Variants in GRM7 observed in about 807,000 individuals in gnomAD.
GRM7 encodes metabotropic glutamate receptor 7.
A neutral mutation model predicts 84.5 loss-of-function variants in GRM7; 35 were observed. The observed-to-expected ratio is 0.41, with a 90% CI of 0.32 to 0.55. The LOEUF is 0.55. GRM7 is among the 20% of genes least tolerant of loss of function. The pLI, the probability that GRM7 is intolerant of heterozygous loss-of-function variation, is 0.19. For missense variants in GRM7, 1,003 were observed against 1,194.6 expected (o/e 0.84, Z 2.36); for synonymous variants, 487 against 455.1 (o/e 1.07, Z -0.89).
chr3:7,673,937 G>C (rs985245676), intron 8 of GRM7, among the ~76,000 whole-genome samples: 2 of 152,154 alleles, frequency 1.3e-5, no homozygotes, highest in African/African-American at 4.8e-5. Flanking sequence ...AGCACACACT[G>C]ACCTCTCCTA....
In GRM7 at chr3:6,928,891, A is replaced by G. The variant is rs191785902; in HGVS notation, c.519+66984A>G. On this transcript the variant is annotated intron_variant, in intron 1 of 9. Coordinates refer to ENST00000357716, the MANE Select transcript of GRM7 (RefSeq NM_000844.4). This position sits in a 1 kb window ranked among gnomAD's most constrained non-coding sequence, Gnocchi z 4.5. ...TGAACTGGTACATAAAATGCCAGTCATAGTGTTTTAAAGTGATTTTTCCCT... is the reference window on the plus strand; with the variant it reads ...TGAACTGGTACATAAAATGCCAGTCGTAGTGTTTTAAAGTGATTTTTCCCT... 5.9e-5 allele frequency among the ~76,000 whole-genome samples: 9 copies of G among 151,704 alleles called. No homozygotes were observed. In the East Asian group the frequency reaches 1.7e-3, roughly 29 times the overall value.
chr3:7,443,032 A>ATCC (rs1274315221), intron 5 of GRM7, among the ~76,000 whole-genome samples: 6 of 140,780 alleles, frequency 4.3e-5, no homozygotes, highest in South Asian at 4.6e-4. Flanking sequence ...TTTCTTTTCC[A>ATCC]TCCTCCTCCT....
chr3:7,441,320 C>A (rs1392513159), intron 5 of GRM7, among the ~76,000 whole-genome samples: 1 of 152,042 alleles, frequency 6.6e-6, no homozygotes, highest in East Asian at 1.9e-4. Context: ...GTCCTTTGCC[C>A]ACTTTTTAAT....
In GRM7 at chr3:7,119,503, A is replaced by G. The variant is rs991949334; in HGVS notation, c.520-26949A>G. 1.8e-4 allele frequency among the ~76,000 whole-genome samples: 27 copies of G among 152,188 alleles called. No homozygotes were observed. The East Asian group carries it at 1.9e-3, about 11-fold the overall frequency. On this transcript the variant is annotated intron_variant, in intron 1 of 9. Transcript: ENST00000357716. The stretch of plus-strand genomic sequence containing the variant: ...AAGTGCTTGTGATAACATCAGCAGA[A>G]CAAACATAAAACAATTACACTCTCA...
intron 4 of GRM7, among the ~76,000 whole-genome samples, chr3:7,341,152 A>T (rs1176911816): frequency 6.6e-6 from 1 of 152,186 alleles, no homozygotes; most frequent in Admixed American, 6.6e-5. Flanking sequence ...TACCCGAAAG[A>T]TATGAAATAT....
chr3:7,701,174 G>A (rs988133282), intron 9 of GRM7, among the ~76,000 whole-genome samples: 1 of 152,132 alleles, frequency 6.6e-6, no homozygotes, highest in African/African-American at 2.4e-5. Flanking sequence ...AACGATACAG[G>A]GGACCTTGTT....
At chr3:7,528,095 G>A (rs1370287415) in intron 7 of GRM7, among the ~76,000 whole-genome samples, 1 of 152,026 alleles carries the variant, frequency 6.6e-6, no homozygotes, top group Non-Finnish European at 1.5e-5. Context: ...CCGTGGGATT[G>A]GTACCAGCTC....
intron 2 of GRM7, among the ~76,000 whole-genome samples, chr3:7,266,083 A>G (rs181750560): frequency 6.6e-6 from 1 of 152,288 alleles, no homozygotes; most frequent in East Asian, 1.9e-4. Context: ...AAAGTGGGTT[A>G]AAGGAACAGA....
intron 8 of GRM7, among the ~76,000 whole-genome samples, chr3:7,602,154 G>C (rs992988488): frequency 1.3e-5 from 2 of 151,404 alleles, no homozygotes; most frequent in Admixed American, 1.3e-4. Flanking sequence ...GATAAGGGGA[G>C]AGCTTGTAAA....
At chr3:7,000,486 C>G (rs967852979) in intron 1 of GRM7, among the ~76,000 whole-genome samples, 1 of 151,956 alleles carries the variant, frequency 6.6e-6, no homozygotes, top group Non-Finnish European at 1.5e-5. Flanking sequence ...CTCGCCCGGG[C>G]GAGCATGTGA....
At chr3:7,631,443 G>A (rs1351135063) in intron 8 of GRM7, among the ~76,000 whole-genome samples, 5 of 152,178 alleles carry the variant, frequency 3.3e-5, no homozygotes, top group South Asian at 2.1e-4. Flanking sequence ...TGTTAAGGAC[G>A]TTACTTACTT....
chr3:6,948,518 G>A (rs1169432641), intron 1 of GRM7, among the ~76,000 whole-genome samples: 1 of 152,196 alleles, frequency 6.6e-6, no homozygotes, highest in Non-Finnish European at 1.5e-5. Context: ...GTTCTGAGAA[G>A]AATGTATATT....
intron 7 of GRM7, among the ~76,000 whole-genome samples, chr3:7,488,861 A>ATTTATTTATTTG (rs1405087069): frequency 2.7e-5 from 4 of 146,108 alleles, no homozygotes; most frequent in Admixed American, 6.7e-5. Flanking sequence ...GTAAGGTCTT[A>ATTTATTTATTTG]TTTATTTATT....
At chr3:7,244,501 A>ATT (rs780508689) in intron 2 of GRM7, among the ~76,000 whole-genome samples, 33 of 151,890 alleles carry the variant, frequency 2.2e-4, no homozygotes, top group Non-Finnish European at 4.4e-4. Flanking sequence ...GCAACTGTCC[A>ATT]TTTTTTTTGA....
At chr3:7,212,798 G>A (rs1476193895) in intron 2 of GRM7, among the ~76,000 whole-genome samples, 1 of 152,136 alleles carries the variant, frequency 6.6e-6, no homozygotes, top group East Asian at 1.9e-4. Context: ...AGATTTTATT[G>A]TTCAACAATT....
chr3:7,618,540 A>G (rs1697215142), intron 8 of GRM7, among the ~76,000 whole-genome samples: 1 of 152,120 alleles, frequency 6.6e-6, no homozygotes, highest in South Asian at 2.1e-4. Context: ...TTTGTGTTTA[A>G]TGGTAGTTTA....
intron 2 of GRM7, among the ~76,000 whole-genome samples, chr3:7,242,006 A>G (rs926726360): frequency 3.9e-5 from 6 of 152,254 alleles, no homozygotes; most frequent in Admixed American, 1.3e-4. Flanking sequence ...TATAGCTTCA[A>G]TGAAATGGGA....
intron 4 of GRM7, 86 bp from the exon 5 acceptor site, chr3:7,414,937 A>AG: frequency 8.9e-7 from 1 of 1,129,404 alleles, no homozygotes; most frequent in African/African-American, 1.6e-5. Context: ...ACTGAAACAA[A>AG]GAAAAAAAAA....
chr3:7,189,102 T>C (rs1044948572), intron 2 of GRM7, among the ~76,000 whole-genome samples: 10 of 152,114 alleles, frequency 6.6e-5, no homozygotes, highest in African/African-American at 2.2e-4. Flanking sequence ...CGGGAGCTGA[T>C]TGCTTCCCAT....
Sources: allele counts gnomAD v4.1 joint callset (sites outside exome capture counted in the v4.1 genomes callset), GRCh38; gene constraint gnomAD v4.1.1; non-coding constraint Gnocchi (gnomAD v3.1); transcripts MANE v1.5; gene names NCBI Gene and HGNC (gene_info 2026-07-23, HGNC 2026-07-21).